CCDC88C: variants seen among roughly 807,000 people sequenced by gnomAD.
CCDC88C encodes protein Daple.
Under a neutral mutation model 198.8 loss-of-function variants are expected in CCDC88C, and 131 were observed. That is an observed-to-expected ratio of 0.66 (90% confidence interval 0.57 to 0.76). CCDC88C has a LOEUF of 0.76. CCDC88C is among the 30% of genes least tolerant of loss of function. CCDC88C has a pLI of 0.00. For synonymous variants in CCDC88C, 1,166 were observed against 1,114.7 expected (o/e 1.05, Z -0.92); for missense variants, 2,553 against 2,631.6 (o/e 0.97, Z 0.65).
intron 25 of CCDC88C, 21 bp downstream of exon 25, chr14:91,289,084 G>T: frequency 1.2e-6 from 2 of 1,600,734 alleles, no homozygotes; most frequent in Non-Finnish European, 1.7e-6. Context: ...ACCCGACCAC[G>T]GCCAGGACGG....
chr14:91,404,616 A>AT (rs1886382984), intron 3 of CCDC88C, among the ~76,000 whole-genome samples: 2 of 152,282 alleles, frequency 1.3e-5, no homozygotes, highest in Admixed American at 1.3e-4. Context: ...TCACCCACTG[A>AT]TTCTCAATCC....
chr14:91,389,834 A>G (rs1885382147), intron 3 of CCDC88C, among the ~76,000 whole-genome samples: 1 of 152,004 alleles, frequency 6.6e-6, no homozygotes, highest in Non-Finnish European at 1.5e-5. Flanking sequence ...GCACTTTGGG[A>G]GGCCGAGGCG....
At chr14:91,280,313 G>A (rs80263680) in intron 27 of CCDC88C, among the ~76,000 whole-genome samples, 2,238 of 152,290 alleles carry the variant, frequency 0.015, 34 homozygotes, top group Middle Eastern at 0.024. Context: ...GGTCCACAGG[G>A]CACCTGGTTC....
At position 91,339,779 on chromosome 14, in the gene CCDC88C, C is replaced by A. The variant is rs897437900; in HGVS notation, c.624+105G>T. 2 of 1,335,630 alleles carry A rather than the reference C, an allele frequency of 1.5e-6. No individual in the cohort carries two copies. Among genetic ancestry groups the A allele is most frequent in the African/African-American group, 3.0e-5 (2 of 67,548 alleles). The allele number at this position is 1,335,630 out of a possible 1,614,324, so 82.7% of individuals were successfully genotyped here. ...CACGCACGTCCCACCCCCACCAGAA[C>A]CTCAGCAGCAGGACCGAGGCGTCTA... is the stretch of plus-strand genomic sequence containing the variant. On this transcript the variant is annotated intron_variant, in intron 7 of 29. Coordinates refer to ENST00000389857, the MANE Select transcript of CCDC88C (RefSeq NM_001080414.4). The surrounding 1 kb of genome is among the most constrained non-coding windows in gnomAD (Gnocchi z 5.8).
intron 29 of CCDC88C, among the ~76,000 whole-genome samples, chr14:91,275,983 G>A (rs534629295): frequency 0.014 from 2,167 of 151,638 alleles, 31 homozygotes; most frequent in Middle Eastern, 0.021. Context: ...CACCACGCCC[G>A]GCTAATTTTT....
Position 91,339,343 on chromosome 14 carries a change from G to A in CCDC88C, c.744C>T (p.Asp248=). ...CCAGCTCTACGGCCAGGTGCTGCTT[G>A]TCTTCGCTAGAGAGGCTGCTGGTGG... ...PSPTSSLSSE[D]KQHLAVELAD... is the part of the protein sequence containing the mutation. The change falls in exon 8 of 30, where the codon GAC becomes GAT. Residue 248 remains aspartate (D), a synonymous_variant. Coordinates refer to ENST00000389857, the MANE Select transcript of CCDC88C (RefSeq NM_001080414.4). This position sits in a 1 kb window ranked among gnomAD's most constrained non-coding sequence, Gnocchi z 5.8. 1.2e-6 allele frequency: 2 copies of A among 1,613,860 alleles called. No individual in the cohort carries two copies. Among genetic ancestry groups the A allele is most frequent in the African/African-American group, 1.3e-5 (1 of 75,062 alleles).
rs1482593132 is a variant in CCDC88C, at chr14:91,303,902, G to C, written c.3434C>G (p.Ala1145Gly). The change falls in exon 20 of 30, where the codon GCC becomes GGC. Residue 1145 changes from alanine (A) to glycine (G), a missense_variant. By Grantham distance (60) the Ala-to-Gly change is moderately conservative (BLOSUM62 0). Transcript: ENST00000389857. Reference sequence around the variant, plus strand: ...CAGGCTTTCGTTCTCCGTCTCCTTGGCCGTGTGGTGGTTCTGCAGCAGCGT... The same window carrying C: ...CAGGCTTTCGTTCTCCGTCTCCTTGCCCGTGTGGTGGTTCTGCAGCAGCGT... ...QYTLLQNHHT[A>G]KETENESLQR... is the part of the protein sequence containing the mutation. 6.2e-7 allele frequency: 1 copy of C among 1,612,654 alleles called. No homozygotes were observed.
In CCDC88C at chr14:91,278,000, G is replaced by T; in HGVS notation, c.4980C>A (p.Pro1660=). The change falls in exon 29 of 30, where the codon CCC becomes CCA. Residue 1660 remains proline (P), a synonymous_variant. Coordinates refer to ENST00000389857, the MANE Select transcript of CCDC88C (RefSeq NM_001080414.4). ...TCTCACTGCTGGGGGAGGCCGAGCAGGGCCGCACTCCGACGTAGGGAGGGG... is the reference window on the plus strand; with the variant it reads ...TCTCACTGCTGGGGGAGGCCGAGCATGGCCGCACTCCGACGTAGGGAGGGG... ...GTAPPYVGVR[P]CSASPSSEMV... is the part of the protein sequence containing the mutation. The T allele has an allele frequency of 6.3e-7, 1 of 1,579,922 alleles. No homozygotes were observed. The highest frequency in any genetic ancestry group is 8.6e-7 in the Non-Finnish European group (1 of 1,161,766).
At chr14:91,319,499 T>A (rs1165842975) in intron 13 of CCDC88C, among the ~76,000 whole-genome samples, 2 of 152,236 alleles carry the variant, frequency 1.3e-5, no homozygotes, top group African/African-American at 2.4e-5. Context: ...CCTAAGGTGT[T>A]CCGTCAGTGG....
At chr14:91,415,940 G>A (rs773620681) in intron 2 of CCDC88C, among the ~76,000 whole-genome samples, 1 of 152,148 alleles carries the variant, frequency 6.6e-6, no homozygotes, top group Non-Finnish European at 1.5e-5. Flanking sequence ...CTGATCCACA[G>A]AGAACATTAG....
chr14:91,368,237 TCTG>T (rs879539613), intron 3 of CCDC88C, among the ~76,000 whole-genome samples: 6 of 152,236 alleles, frequency 3.9e-5, no homozygotes, highest in Non-Finnish European at 7.3e-5. Flanking sequence ...GGGTGGTTTC[TCTG>T]CTAATTCCTG....
intron 26 of CCDC88C, 64 bp downstream of exon 26, chr14:91,283,265 C>T (rs1890272988): frequency 2.0e-6 from 3 of 1,515,894 alleles, no homozygotes; most frequent in Admixed American, 3.7e-5. Flanking sequence ...TTTCCGAGAG[C>T]CTGGGGTCTT....
chr14:91,354,955 G>A (rs1893977937), intron 4 of CCDC88C, among the ~76,000 whole-genome samples: 1 of 152,230 alleles, frequency 6.6e-6, no homozygotes, highest in Non-Finnish European at 1.5e-5. Flanking sequence ...TGTGGCAGGA[G>A]AGACAGGTGG....
chr14:91,402,174 G>A lies in CCDC88C; in HGVS notation c.270+6485C>T, dbSNP rs140054796. Among the ~76,000 whole-genome samples, 20 of 152,278 alleles carry A rather than the reference G, an allele frequency of 1.3e-4. No individual in the cohort carries two copies. The East Asian group carries it at 3.7e-3, about 28-fold the overall frequency. On this transcript the variant is annotated intron_variant, in intron 3 of 29. Transcript: ENST00000389857. ...ACCTGTGATCCCAGCTACTCAGGAG[G>A]CTGAGGTGGGAGAACTGCTTGAGCC...
At chr14:91,411,764 A>G (rs563277328) in intron 2 of CCDC88C, among the ~76,000 whole-genome samples, 2 of 152,272 alleles carry the variant, frequency 1.3e-5, no homozygotes, top group East Asian at 1.9e-4. Flanking sequence ...GGAGTTCGAG[A>G]CCAGCCTGGC....
intron 4 of CCDC88C, among the ~76,000 whole-genome samples, chr14:91,354,111 G>A (rs780848166): frequency 3.9e-5 from 6 of 152,188 alleles, no homozygotes; most frequent in Non-Finnish European, 5.9e-5. Context: ...ACACCTAAAT[G>A]GCTCGTTCCC....
At chr14:91,370,156 G>A (rs1894725755) in intron 3 of CCDC88C, among the ~76,000 whole-genome samples, 1 of 152,192 alleles carries the variant, frequency 6.6e-6, no homozygotes, top group Non-Finnish European at 1.5e-5. Flanking sequence ...GTAACCTACT[G>A]TGTGGCCTCA....
chr14:91,314,265 T>C, intron 14 of CCDC88C, 115 bp from the exon 15 acceptor site: 1 of 803,886 alleles, frequency 1.2e-6, no homozygotes, highest in African/African-American at 1.7e-5. Flanking sequence ...CTACCTGTGC[T>C]CAGACACTGC....
In CCDC88C at chr14:91,272,701, A is replaced by G. The variant is rs375736452; in HGVS notation, c.6011T>C (p.Val2004Ala). ...RALEDCSRGSVSKSSPASPEP... is the reference protein window; with the variant it reads ...RALEDCSRGSASKSSPASPEP... ...CGGGGAGGCCGGACTGCTCTTTGAG[A>G]CGCTCCCTCGACTGCAGTCCTCCAG... Residue 2004 changes from valine (V) to alanine (A), a missense_variant, in exon 30 of 30, where the codon GTC (valine) becomes GCC (alanine). Physicochemically the swap from Val to Ala is moderately conservative, Grantham distance 64. Transcript: ENST00000389857. 6.8e-6 allele frequency: 11 copies of G among 1,611,240 alleles called. No homozygotes were observed. The highest frequency in any genetic ancestry group is 3.4e-4 in the Middle Eastern group (2 of 5,954).
Sources: gnomAD v4.1 joint callset for allele counts (sites outside exome capture counted in the v4.1 genomes callset) on GRCh38, gnomAD v4.1.1 for gene constraint, Gnocchi (gnomAD v3.1) non-coding constraint, MANE v1.5 for transcripts, NCBI Gene and HGNC (gene_info 2026-07-23, HGNC 2026-07-21) for gene names.